The following HNRNPUL1 variants were observed in gnomAD, a reference collection of about 807,000 sequenced individuals.
HNRNPUL1 encodes the protein heterogeneous nuclear ribonucleoprotein U-like protein 1.
A neutral mutation model predicts 108.5 loss-of-function variants in HNRNPUL1; 14 were observed. That is an observed-to-expected ratio of 0.13 (90% CI 0.09 to 0.20). HNRNPUL1 has a LOEUF of 0.20. Ranked by LOEUF, HNRNPUL1 falls within the 10% of genes least tolerant of loss-of-function variation. The pLI is 1.00. For synonymous variants in HNRNPUL1, 422 were observed against 445.2 expected (o/e 0.95, Z 0.66); for missense variants, 804 against 1,168.3 (o/e 0.69, Z 4.55).
chr19:41,270,350 C>G (rs1010863865), intron 2 of HNRNPUL1, among the ~76,000 whole-genome samples: 41 of 152,082 alleles, frequency 2.7e-4, no homozygotes, highest in African/African-American at 9.7e-4. Context: ...GCTCCATGAG[C>G]CATGATGGCA....
At chr19:41,265,930 A>G (rs1389010164) in intron 1 of HNRNPUL1, among the ~76,000 whole-genome samples, 1 of 152,018 alleles carries the variant, frequency 6.6e-6, no homozygotes, top group Non-Finnish European at 1.5e-5. Context: ...AGTGTGGGGA[A>G]TGTTTCTGGA....
chr19:41,278,788 AG>A (rs766415744), intron 5 of HNRNPUL1, among the ~76,000 whole-genome samples: 6 of 152,088 alleles, frequency 3.9e-5, no homozygotes, highest in Admixed American at 3.3e-4. Flanking sequence ...TGCCCTCTAA[AG>A]ACACTGTAAC....
chr19:41,272,076 C>T lies in HNRNPUL1; in HGVS notation c.419-6C>T. ...TCTTGACCATCTGAATTTGTCTTGACAATAGAAATGAAGACAGAGATGAAG... is the reference window on the plus strand; with the variant it reads ...TCTTGACCATCTGAATTTGTCTTGATAATAGAAATGAAGACAGAGATGAAG... On this transcript the variant is annotated splice_polypyrimidine_tract_variant and splice_region_variant and intron_variant, in intron 2 of 14. Coordinates refer to ENST00000392006, the MANE Select transcript of HNRNPUL1 (RefSeq NM_007040.6). 1 of 1,613,336 alleles carries T rather than the reference C, an allele frequency of 6.2e-7. No individual in the cohort carries two copies. Among genetic ancestry groups the T allele is most frequent in the Non-Finnish European group, 8.5e-7 (1 of 1,179,680 alleles).
intron 1 of HNRNPUL1, chr19:41,265,334 T>C: frequency 1.2e-6 from 1 of 849,724 alleles, no homozygotes; most frequent in Non-Finnish European, 1.7e-6. Flanking sequence ...CTGGGCGTTC[T>C]CCTATTTGGG....
intron 1 of HNRNPUL1, among the ~76,000 whole-genome samples, chr19:41,266,001 G>C (rs374520118): frequency 6.6e-6 from 1 of 152,136 alleles, no homozygotes; most frequent in Non-Finnish European, 1.5e-5. Context: ...TGTACCCAGG[G>C]AGTGGGGGCC....
At chr19:41,287,783 C>T (rs1291725364) in intron 7 of HNRNPUL1, among the ~76,000 whole-genome samples, 1 of 152,136 alleles carries the variant, frequency 6.6e-6, no homozygotes, top group Admixed American at 6.5e-5. Flanking sequence ...TAGTCTCGAA[C>T]TCCTGACCTC....
chr19:41,265,270 G>A, intron 1 of HNRNPUL1: 1 of 1,531,072 alleles, frequency 6.5e-7, no homozygotes, highest in Non-Finnish European at 8.7e-7. Flanking sequence ...AGGTGTGCGG[G>A]GCTGCGAGAG....
rs2037595785 is a variant in HNRNPUL1, at chr19:41,307,274, A to G, written c.*709A>G. 6.6e-6 allele frequency: 1 copy of G among 152,614 alleles called. No individual in the cohort carries two copies. Among genetic ancestry groups the G allele is most frequent in the Non-Finnish European group, 1.5e-5 (1 of 68,028 alleles). The allele number at this position is 152,614 out of a possible 1,614,324, so 9.5% of individuals were successfully genotyped here. Reference sequence around the variant, plus strand: ...CATCTTTAACCCAACTTTTTATACGATGCCCCAGTTCCCCATAACTTTGCA... The same window carrying G: ...CATCTTTAACCCAACTTTTTATACGGTGCCCCAGTTCCCCATAACTTTGCA... On this transcript the variant is annotated 3_prime_UTR_variant, in exon 15 of 15. Coordinates refer to ENST00000392006, the MANE Select transcript of HNRNPUL1 (RefSeq NM_007040.6).
chr19:41,279,766 A>G (rs992217865), intron 6 of HNRNPUL1, among the ~76,000 whole-genome samples: 7 of 152,260 alleles, frequency 4.6e-5, no homozygotes, highest in African/African-American at 1.4e-4. Context: ...TGTGTTGCGT[A>G]TAAGAATTCA....
intron 13 of HNRNPUL1, among the ~76,000 whole-genome samples, chr19:41,304,498 T>G (rs2037431030): frequency 6.6e-6 from 1 of 152,178 alleles, no homozygotes; most frequent in African/African-American, 2.4e-5. Context: ...GAACCTGCTC[T>G]TCTCCCACCA....
In HNRNPUL1 at chr19:41,288,084, G is replaced by A. The variant is rs1035637676; in HGVS notation, c.1000-4161G>A. ...AGAATAGGGTTTCCAAAAAAAAATC[G>A]AGGAATGTAAAAGGGGATACAGTGT... On this transcript the variant is annotated intron_variant, in intron 7 of 14. Transcript: ENST00000392006. Among the ~76,000 whole-genome samples the A allele has an allele frequency of 5.9e-5, 9 of 151,696 alleles. No homozygotes were observed. In the South Asian group the frequency reaches 8.3e-4, roughly 14 times the overall value.
At chr19:41,274,122 T>C (rs1379912951) in intron 4 of HNRNPUL1, 67 bp downstream of exon 4, 2 of 1,284,420 alleles carry the variant, frequency 1.6e-6, no homozygotes, top group African/African-American at 2.9e-5. Context: ...GGTCTTGACC[T>C]TCACCAGAAT....
rs189132464 is a variant in HNRNPUL1 at position 41,291,998 on chromosome 19, A to C, written c.1000-247A>C. On this transcript the variant is annotated intron_variant, in intron 7 of 14. Coordinates refer to ENST00000392006, the MANE Select transcript of HNRNPUL1 (RefSeq NM_007040.6). ...CTGTCTCAAAAAAAAAAAAAACAAA[A>C]AAAAAAAACTCTTGCTTACTTGCTT... 118 of 511,252 alleles carry C rather than the reference A, an allele frequency of 2.3e-4. 3 individuals carry two copies. Among genetic ancestry groups the C allele is most frequent in the East Asian group, 1.9e-3 (54 of 28,914 alleles). The allele number at this position is 511,252 out of a possible 1,614,324, so 31.7% of individuals were successfully genotyped here. A position where few individuals can be genotyped will look rare whatever the true frequency, so the allele number is the denominator to read the frequency against.
chr19:41,272,362 TC>T lies in HNRNPUL1; in HGVS notation c.572+129del, dbSNP rs1008835616. ...AAGATTCCCTCTGCTTTCACACTCT[TC>T]CTGTCCCTTCCCGTACTTGCTACCA... On this transcript the variant is annotated intron_variant, in intron 3 of 14. Transcript: ENST00000392006. 7.3e-6 allele frequency: 7 copies of T among 954,604 alleles called. No homozygotes were observed. The African/African-American group carries it at 1.1e-4, about 16-fold the overall frequency. The allele number at this position is 954,604 out of a possible 1,614,324, so 59.1% of individuals were successfully genotyped here. A position where few individuals can be genotyped will look rare whatever the true frequency, so the allele number is the denominator to read the frequency against.
intron 10 of HNRNPUL1, among the ~76,000 whole-genome samples, chr19:41,297,020 C>T (rs545341329): frequency 1.5e-3 from 222 of 152,290 alleles, no homozygotes; most frequent in African/African-American, 5.1e-3. Flanking sequence ...TAACTCCTAC[C>T]CTGGGATGTA....
intron 5 of HNRNPUL1, among the ~76,000 whole-genome samples, chr19:41,277,086 G>T (rs2035601786): frequency 7.0e-6 from 1 of 143,720 alleles, no homozygotes. Context: ...GACAGAGTGA[G>T]ACTCTGTCTC....
chr19:41,281,023 C>T lies in HNRNPUL1; in HGVS notation c.887-140C>T, dbSNP rs1333130034. 4 of 608,658 alleles carry T rather than the reference C, an allele frequency of 6.6e-6. No individual in the cohort carries two copies. The East Asian group carries it at 1.1e-4, about 17-fold the overall frequency. The allele number at this position is 608,658 out of a possible 1,614,324, so 37.7% of individuals were successfully genotyped here. The stretch of plus-strand genomic sequence containing the variant: ...AGGGCTTCCTTTCACCCTTCCCCAC[C>T]CCTATTTTAAAAAGGCATCTGATTA... On this transcript the variant is annotated intron_variant, in intron 6 of 14. Transcript: ENST00000392006.
In HNRNPUL1 at chr19:41,306,641, C is replaced by T. The variant is rs1297619498; in HGVS notation, c.*76C>T. 8 of 863,444 alleles carry T rather than the reference C, an allele frequency of 9.3e-6. No individual in the cohort carries two copies. Among genetic ancestry groups the T allele is most frequent in the Middle Eastern group, 3.3e-4 (1 of 3,068 alleles). The allele number at this position is 863,444 out of a possible 1,614,324, so 53.5% of individuals were successfully genotyped here. A position where few individuals can be genotyped will look rare whatever the true frequency, so the allele number is the denominator to read the frequency against. On this transcript the variant is annotated 3_prime_UTR_variant, in exon 15 of 15. Transcript: ENST00000392006. ...CGCCTGCCTCGGCCCCTCCTCTGCC[C>T]CCGCCAGATCCCGTGGTGCTGGGGA... is the stretch of plus-strand genomic sequence containing the variant.
chr19:41,270,185 G>A lies in HNRNPUL1; in HGVS notation c.418+1840G>A, dbSNP rs549980413. Among the ~76,000 whole-genome samples, 74 of 152,208 alleles carry A rather than the reference G, an allele frequency of 4.9e-4. 1 individual carries two copies. The South Asian group carries it at 0.015, about 31-fold the overall frequency. ...TTCAGTAGTGACGGGGTTTTACCAT[G>A]TTGGCCAGGCTGGTCTCAAACTCTT... On this transcript the variant is annotated intron_variant, in intron 2 of 14. Transcript: ENST00000392006.
Sources: allele counts gnomAD v4.1 joint callset (sites outside exome capture counted in the v4.1 genomes callset), GRCh38; gene constraint gnomAD v4.1.1; transcripts MANE v1.5; gene names NCBI Gene and HGNC (gene_info 2026-07-23, HGNC 2026-07-21).